The following SNX2 variants were observed in gnomAD, a reference collection of about 807,000 sequenced individuals.
SNX2 encodes sorting nexin 2, also known as sorting nexin-2.
Under a neutral mutation model 69.9 loss-of-function variants are expected in SNX2, and 25 were observed. The observed-to-expected ratio is 0.36, with a 90% CI of 0.26 to 0.50. The LOEUF (loss-of-function observed/expected upper bound fraction) is 0.50. Among genes scored for constraint, SNX2 ranks in the 20% least tolerant of loss-of-function variants. SNX2 has a pLI of 0.97. For missense variants in SNX2, 551 were observed against 613.3 expected (o/e 0.90, Z 1.07); for synonymous variants, 229 against 200.4 (o/e 1.14, Z -1.20).
rs182989874 is a variant in SNX2, at chr5:122,783,542, T to C, written c.108+8331T>C. ...TACTTAGTTATTCCAGCACCATTTG[T>C]TGAAAGTCTAGCCTTTCTTTATTGG... On this transcript the variant is annotated intron_variant, in intron 1 of 14. Transcript: ENST00000379516. 1.9e-3 allele frequency among the ~76,000 whole-genome samples: 286 copies of C among 152,318 alleles called. 1 individual carries two copies. The highest frequency in any genetic ancestry group is 5.2e-3 in the Admixed American group (79 of 15,298).
At chr5:122,816,044 A>G (rs1441694071) in intron 8 of SNX2, 73 bp downstream of exon 8, 4 of 692,154 alleles carry the variant, frequency 5.8e-6, no homozygotes, top group African/African-American at 3.7e-5. Context: ...ATGACTATAT[A>G]TAGTAAATAA....
Position 122,799,852 on chromosome 5 carries a change from A to G in SNX2, c.387A>G (p.Glu129=), listed in dbSNP as rs1157366351. 6.2e-7 allele frequency: 1 copy of G among 1,608,248 alleles called. No homozygotes were observed. Among genetic ancestry groups the G allele is most frequent in the Non-Finnish European group, 8.5e-7 (1 of 1,176,666 alleles). ...CCGTGATCTTTGATAGATCCAGGGA[A>G]GAGGTACAGGAAAATGTATTCTAAA... The part of the protein sequence containing the change: ...SAPVIFDRSR[E]EIEEEANGDI... Residue 129 remains glutamate (E), a synonymous_variant, in exon 3 of 15, where the codon GAA becomes GAG. Transcript: ENST00000379516.
chr5:122,802,753 C>A (rs1241138736), intron 5 of SNX2, among the ~76,000 whole-genome samples: 1 of 152,152 alleles, frequency 6.6e-6, no homozygotes. Flanking sequence ...CACAGCAGTT[C>A]TAGCTGTAAG....
chr5:122,782,683 C>T (rs187504750), intron 1 of SNX2, among the ~76,000 whole-genome samples: 103 of 151,800 alleles, frequency 6.8e-4, no homozygotes, highest in African/African-American at 2.3e-3. Flanking sequence ...ATTACAGGTG[C>T]CCACCACCAT....
At chr5:122,803,718 A>T (rs537382393) in intron 6 of SNX2, 105 bp downstream of exon 6, 1 of 780,122 alleles carries the variant, frequency 1.3e-6, no homozygotes, top group Non-Finnish European at 2.0e-6. Flanking sequence ...ACATTTTATA[A>T]TGTGTAGACA....
chr5:122,777,019 A>G (rs933307467), intron 1 of SNX2, among the ~76,000 whole-genome samples: 1 of 152,178 alleles, frequency 6.6e-6, no homozygotes, highest in Admixed American at 6.5e-5. Flanking sequence ...TGGTGTGGCT[A>G]TGAGATTTGT....
At position 122,826,182 on chromosome 5, in the gene SNX2, G is replaced by A; in HGVS notation, c.1345G>A (p.Glu449Lys). 1.2e-6 allele frequency: 2 copies of A among 1,611,866 alleles called. No individual in the cohort carries two copies. The highest frequency in any genetic ancestry group is 1.7e-6 in the Non-Finnish European group (2 of 1,178,602). ...AGATAAAATACAGCAAGCTAAAAAT[G>A]AAATAAGAGAGGTGATTACTAAATG... Reference protein sequence around the residue: ...KPDKIQQAKNEIREWEAKVQQ... With the variant: ...KPDKIQQAKNKIREWEAKVQQ... Residue 449 changes from glutamate (E) to lysine (K), a missense_variant, in exon 12 of 15, where the codon GAA (glutamate) becomes AAA (lysine). Coordinates refer to ENST00000379516, the MANE Select transcript of SNX2 (RefSeq NM_003100.4).
At chr5:122,825,552 C>T (rs1312760222) in intron 11 of SNX2, among the ~76,000 whole-genome samples, 2 of 151,896 alleles carry the variant, frequency 1.3e-5, no homozygotes, top group South Asian at 2.1e-4. Context: ...TTATATTTTA[C>T]GTTTTGATTG....
In SNX2 at chr5:122,775,726, C is replaced by G. The variant is rs78022559; in HGVS notation, c.108+515C>G. ...GGCCCTTCACGGACTGCTGGTTCCT[C>G]TTGAGGGAGCTGCTTCTGATTTGGA... is the stretch of plus-strand genomic sequence containing the variant. On this transcript the variant is annotated intron_variant, in intron 1 of 14. Coordinates refer to ENST00000379516, the MANE Select transcript of SNX2 (RefSeq NM_003100.4). 6.9e-3 allele frequency: 6,820 copies of G among 985,690 alleles called. 53 individuals carry two copies. The highest frequency in any genetic ancestry group is 0.028 in the African/African-American group (1,633 of 57,352). 61.1% of individuals were successfully genotyped at this position (985,690 alleles called of 1,614,324 possible). A position where few individuals can be genotyped will look rare whatever the true frequency, so the allele number is the denominator to read the frequency against.
intron 7 of SNX2, chr5:122,815,598 CAT>C (rs1316665985): frequency 5.1e-6 from 1 of 196,156 alleles, no homozygotes; most frequent in East Asian, 1.3e-4. Flanking sequence ...CCCTTTGCAA[CAT>C]AATACTTTGC....
At chr5:122,808,740 G>T (rs1581638610) in intron 7 of SNX2, 1 of 157,652 alleles carries the variant, frequency 6.3e-6, no homozygotes, top group Non-Finnish European at 1.4e-5. Flanking sequence ...TGAATGGGGG[G>T]AAAAATAAAA....
intron 7 of SNX2, among the ~76,000 whole-genome samples, chr5:122,810,163 C>G (rs372903835): frequency 4.0e-5 from 6 of 150,318 alleles, no homozygotes; most frequent in Admixed American, 2.7e-4. Flanking sequence ...GGATTAAGGG[C>G]GGTGCAAGAT....
chr5:122,785,619 C>A (rs1244773292), intron 1 of SNX2, among the ~76,000 whole-genome samples: 1 of 152,098 alleles, frequency 6.6e-6, no homozygotes, highest in African/African-American at 2.4e-5. Flanking sequence ...TTTCTAGTTT[C>A]TCTTGTGACC....
Position 122,811,076 on chromosome 5 carries a change from A to G in SNX2, c.722+2721A>G, listed in dbSNP as rs1344873313. On this transcript the variant is annotated intron_variant, in intron 7 of 14. Transcript: ENST00000379516. ...ACATCAAACAGGTACCATCTGTGGG[A>G]TACCCAACCCAGTTGGATCTGGTGG... 2.6e-5 allele frequency among the ~76,000 whole-genome samples: 4 copies of G among 152,328 alleles called. No homozygotes were observed. The South Asian group carries it at 6.2e-4, about 24-fold the overall frequency.
At chr5:122,813,422 C>T (rs1269431307) in intron 7 of SNX2, among the ~76,000 whole-genome samples, 2 of 151,858 alleles carry the variant, frequency 1.3e-5, no homozygotes, top group South Asian at 2.1e-4. Context: ...GTTTTATTCC[C>T]TTTTTCTGGA....
intron 7 of SNX2, among the ~76,000 whole-genome samples, chr5:122,811,859 A>AAATAAATAAATAAATG (rs1349424907): frequency 6.6e-6 from 1 of 151,548 alleles, no homozygotes; most frequent in African/African-American, 2.4e-5. Flanking sequence ...ATAAATAAAT[A>AAATAAATAAATAAATG]AAATGTAGTG....
At chr5:122,781,268 T>C (rs1200545140) in intron 1 of SNX2, among the ~76,000 whole-genome samples, 2 of 152,240 alleles carry the variant, frequency 1.3e-5, no homozygotes, top group South Asian at 2.1e-4. Flanking sequence ...TCATAGATTA[T>C]GAAACTTTTA....
chr5:122,791,190 C>G (rs1280155042), intron 1 of SNX2, among the ~76,000 whole-genome samples: 1 of 143,424 alleles, frequency 7.0e-6, no homozygotes, highest in Non-Finnish European at 1.5e-5. Context: ...ATGGCATGAT[C>G]TTGGCTCACC....
intron 7 of SNX2, 70 bp from the exon 8 acceptor site, chr5:122,815,826 T>G (rs2150014047): frequency 2.5e-6 from 2 of 801,156 alleles, no homozygotes; most frequent in East Asian, 5.3e-5. Flanking sequence ...TATTTCTATT[T>G]TTTTATCATT....
Sources: allele counts gnomAD v4.1 joint callset (sites outside exome capture counted in the v4.1 genomes callset), GRCh38; gene constraint gnomAD v4.1.1; transcripts MANE v1.5; gene names NCBI Gene and HGNC (gene_info 2026-07-23, HGNC 2026-07-21).